The following CAMTA1 variants were observed in gnomAD, a reference collection of about 807,000 sequenced individuals.
The protein encoded by CAMTA1 is calmodulin binding transcription activator 1.
In CAMTA1, 27 loss-of-function variants were observed where a neutral mutation model predicts 170.9. The observed-to-expected ratio is 0.16, with a 90% CI of 0.12 to 0.22. The LOEUF is 0.22. Among genes scored for constraint, CAMTA1 ranks in the 10% least tolerant of loss-of-function variants. The pLI, the probability that CAMTA1 is intolerant of heterozygous loss-of-function variation, is 1.00. For synonymous variants in CAMTA1, 833 were observed against 891.5 expected, an observed-to-expected ratio of 0.93 and a Z score of 1.17; for missense variants, 1,619 against 2,217.2, an observed-to-expected ratio of 0.73 and a Z score of 5.42.
At chr1:7,707,539 C>T (rs749562049) in intron 11 of CAMTA1, among the ~76,000 whole-genome samples, 1 of 152,062 alleles carries the variant, frequency 6.6e-6, no homozygotes, top group Non-Finnish European at 1.5e-5. Context: ...CCATGCCCGG[C>T]TAATTTGTTG....
At chr1:6,969,355 C>A (rs1692130092) in intron 3 of CAMTA1, among the ~76,000 whole-genome samples, 1 of 152,228 alleles carries the variant, frequency 6.6e-6, no homozygotes, top group African/African-American at 2.4e-5. Context: ...AGGAACGCTG[C>A]AGAAGTAAAG....
intron 7 of CAMTA1, among the ~76,000 whole-genome samples, chr1:7,652,275 C>T (rs1031203730): frequency 1.3e-5 from 2 of 152,300 alleles, no homozygotes; most frequent in East Asian, 3.9e-4. Context: ...GCTGAGATGT[C>T]CTCCTTGCAG....
intron 3 of CAMTA1, among the ~76,000 whole-genome samples, chr1:7,053,027 C>G (rs549780386): frequency 6.6e-6 from 1 of 152,328 alleles, no homozygotes; most frequent in Non-Finnish European, 1.5e-5. Flanking sequence ...CGCCCGGCCA[C>G]TCTGCTGAGG....
chr1:7,371,514 C>T (rs1297307891), intron 5 of CAMTA1, among the ~76,000 whole-genome samples: 1 of 152,184 alleles, frequency 6.6e-6, no homozygotes, highest in East Asian at 1.9e-4. Flanking sequence ...CCCGCCTCGG[C>T]CTCCCAAAGT....
At chr1:7,454,789 CT>C (rs2092912184) in intron 5 of CAMTA1, among the ~76,000 whole-genome samples, 1 of 152,160 alleles carries the variant, frequency 6.6e-6, no homozygotes, top group South Asian at 2.1e-4. Flanking sequence ...GACATTACCT[CT>C]TCCTGCAAGG....
At chr1:7,033,915 G>A (rs911971456) in intron 3 of CAMTA1, among the ~76,000 whole-genome samples, 2 of 151,542 alleles carry the variant, frequency 1.3e-5, no homozygotes, top group African/African-American at 4.8e-5. Flanking sequence ...ATATTCTTGA[G>A]CATTGTTCTG....
At chr1:7,161,196 C>G (rs140998557) in intron 4 of CAMTA1, among the ~76,000 whole-genome samples, 12 of 152,256 alleles carry the variant, frequency 7.9e-5, no homozygotes, top group Admixed American at 3.9e-4. Flanking sequence ...CATGCTGGCT[C>G]TAGCCTCTTT....
chr1:7,752,102 C>T (rs1577417485), intron 20 of CAMTA1, among the ~76,000 whole-genome samples: 1 of 152,188 alleles, frequency 6.6e-6, no homozygotes, highest in East Asian at 1.9e-4. Context: ...TCCGGTGAAT[C>T]ACCTTGTAAA....
intron 6 of CAMTA1, among the ~76,000 whole-genome samples, chr1:7,575,866 C>T (rs1314821284): frequency 6.6e-6 from 1 of 152,158 alleles, no homozygotes; most frequent in African/African-American, 2.4e-5. Context: ...CAGGCAAGGC[C>T]ATTCTCAGTG....
intron 3 of CAMTA1, among the ~76,000 whole-genome samples, chr1:7,021,012 C>T (rs554380231): frequency 4.6e-5 from 7 of 152,226 alleles, no homozygotes; most frequent in Non-Finnish European, 7.3e-5. Context: ...ACCCCGGCCT[C>T]GGTGCACCCT....
intron 5 of CAMTA1, among the ~76,000 whole-genome samples, chr1:7,352,221 G>A (rs1469846318): frequency 3.3e-5 from 5 of 151,216 alleles, no homozygotes; most frequent in East Asian, 1.9e-4. Context: ...AGAGAGAAAC[G>A]GCTCCTGGGT....
chr1:7,526,865 C>T (rs958176450), intron 6 of CAMTA1, among the ~76,000 whole-genome samples: 1 of 152,200 alleles, frequency 6.6e-6, no homozygotes, highest in Non-Finnish European at 1.5e-5. Flanking sequence ...TGGCCACCCC[C>T]AGGAGCAGTG....
chr1:7,437,714 C>T (rs1399886473), intron 5 of CAMTA1, among the ~76,000 whole-genome samples: 1 of 152,206 alleles, frequency 6.6e-6, no homozygotes, highest in African/African-American at 2.4e-5. Flanking sequence ...CTGTAGAAGC[C>T]TGCAGCTTGG....
At chr1:7,417,158 C>T (rs1291462563) in intron 5 of CAMTA1, among the ~76,000 whole-genome samples, 4 of 152,366 alleles carry the variant, frequency 2.6e-5, no homozygotes, top group South Asian at 2.1e-4. Flanking sequence ...GAGGAGTACC[C>T]GGCCGTGTGA....
At chr1:7,474,198 T>C (rs2093381921) in intron 6 of CAMTA1, among the ~76,000 whole-genome samples, 1 of 127,364 alleles carries the variant, frequency 7.9e-6, no homozygotes, top group Admixed American at 7.4e-5. Flanking sequence ...AGCTCATCCA[T>C]AAAATGGAGC....
intron 11 of CAMTA1, among the ~76,000 whole-genome samples, chr1:7,719,597 T>C: frequency 6.6e-6 from 1 of 152,216 alleles, no homozygotes; most frequent in East Asian, 1.9e-4. Context: ...TGGCGGTTTT[T>C]TCTACGGCTA....
rs1426624549 is a variant in CAMTA1 at position 7,580,554 on chromosome 1, C to G, written c.511-59846C>G. On this transcript the variant is annotated intron_variant, in intron 6 of 22. Transcript: ENST00000303635. The surrounding 1 kb of genome is among the most constrained non-coding windows in gnomAD (Gnocchi z 4.3). ...AGCCAGGTGGCAGACAGGACACCCG[C>G]ACATGGAGGAACCACTAACAAGTGC... 6.6e-6 allele frequency among the ~76,000 whole-genome samples: 1 copy of G among 151,988 alleles called. No homozygotes were observed. The highest frequency in any genetic ancestry group is 1.9e-4 in the East Asian group (1 of 5,138).
intron 3 of CAMTA1, among the ~76,000 whole-genome samples, chr1:6,831,815 A>AT (rs1467950693): frequency 6.6e-6 from 1 of 152,168 alleles, no homozygotes; most frequent in Non-Finnish European, 1.5e-5. Flanking sequence ...TATTAAATGC[A>AT]TTTTTTAATG....
At position 7,697,074 on chromosome 1, in the gene CAMTA1, T is replaced by C. The variant is rs758658952; in HGVS notation, c.2914+19341T>C. On this transcript the variant is annotated intron_variant, in intron 11 of 22. Coordinates refer to ENST00000303635, the MANE Select transcript of CAMTA1 (RefSeq NM_015215.4). Reference sequence around the variant, plus strand: ...CCTGTGTGGGATTACTCAATCTGCCTAGGGCATCCTGGCCAACTCCCTCAC... The same window carrying C: ...CCTGTGTGGGATTACTCAATCTGCCCAGGGCATCCTGGCCAACTCCCTCAC... 4.6e-4 allele frequency among the ~76,000 whole-genome samples: 70 copies of C among 152,268 alleles called. 1 individual carries two copies. Among genetic ancestry groups the C allele is most frequent in the South Asian group, 1.4e-3 (7 of 4,834 alleles).
Sources: allele counts gnomAD v4.1 joint callset (sites outside exome capture counted in the v4.1 genomes callset), GRCh38; gene constraint gnomAD v4.1.1; non-coding constraint Gnocchi (gnomAD v3.1); transcripts MANE v1.5; gene names NCBI Gene and HGNC (gene_info 2026-07-23, HGNC 2026-07-21).